The following TENM3 variants were observed in gnomAD, a reference collection of about 807,000 sequenced individuals.
TENM3 encodes teneurin-3.
In TENM3, 63 loss-of-function variants were observed where a neutral mutation model predicts 255.1. The observed-to-expected ratio is 0.25, with a 90% CI of 0.20 to 0.30. The LOEUF (loss-of-function observed/expected upper bound fraction) is 0.30. Ranked by LOEUF, TENM3 falls within the 10% of genes least tolerant of loss-of-function variation. TENM3 has a pLI of 1.00. For missense variants in TENM3, 2,929 were observed against 3,461.1 expected, an observed-to-expected ratio of 0.85 and a Z score of 3.86; for synonymous variants, 1,306 against 1,322.3, an observed-to-expected ratio of 0.99 and a Z score of 0.27.
chr4:182,244,877 T>G (rs1216092751), intron 1 of TENM3, among the ~76,000 whole-genome samples: 1 of 152,262 alleles, frequency 6.6e-6, no homozygotes, highest in Non-Finnish European at 1.5e-5. Context: ...TTATTAGCTA[T>G]GCTTGATGTT....
chr4:181,864,901 C>T, the TENM3 span, among the ~76,000 whole-genome samples: 1 of 152,194 alleles, frequency 6.6e-6, no homozygotes, highest in East Asian at 1.9e-4. Context: ...TCTTTCATTA[C>T]TTGTTCTCCA....
At chr4:181,950,478 T>C in the TENM3 span, among the ~76,000 whole-genome samples, 3 of 152,300 alleles carry the variant, frequency 2.0e-5, no homozygotes, top group Non-Finnish European at 4.4e-5. Flanking sequence ...CATTGCATAT[T>C]AACACCATGT....
intron 3 of TENM3, among the ~76,000 whole-genome samples, chr4:182,510,079 T>A (rs1737235726): frequency 6.6e-6 from 1 of 152,224 alleles, no homozygotes; most frequent in Admixed American, 6.5e-5. Flanking sequence ...AGTTGTGTTT[T>A]TGCCAAATAC....
the TENM3 span, among the ~76,000 whole-genome samples, chr4:181,933,034 G>C: frequency 6.6e-6 from 1 of 152,102 alleles, no homozygotes; most frequent in Non-Finnish European, 1.5e-5. Context: ...GGCAAGGGGA[G>C]GGATAGCATT....
At chr4:181,634,169 A>G in the TENM3 span, among the ~76,000 whole-genome samples, 1 of 152,166 alleles carries the variant, frequency 6.6e-6, no homozygotes, top group Non-Finnish European at 1.5e-5. Flanking sequence ...CCTTATTTAC[A>G]TATTTGCCTT....
the TENM3 span, among the ~76,000 whole-genome samples, chr4:181,493,534 C>T: frequency 3.3e-5 from 5 of 151,974 alleles, no homozygotes; most frequent in Non-Finnish European, 7.4e-5. Flanking sequence ...TCGAGACCAG[C>T]CTGACCAACA....
At chr4:182,457,477 G>A (rs2151369173) in intron 3 of TENM3, among the ~76,000 whole-genome samples, 1 of 145,068 alleles carries the variant, frequency 6.9e-6, no homozygotes, top group East Asian at 2.2e-4. Flanking sequence ...TAAAGATATG[G>A]AAACTAAGTC....
At chr4:181,779,153 C>T in the TENM3 span, among the ~76,000 whole-genome samples, 3 of 152,078 alleles carry the variant, frequency 2.0e-5, no homozygotes, top group African/African-American at 4.8e-5. Flanking sequence ...CTACCAGCAC[C>T]TTGGCATCTG....
intron 7 of TENM3, among the ~76,000 whole-genome samples, chr4:182,675,806 A>C (rs1755620512): frequency 6.6e-6 from 1 of 152,232 alleles, no homozygotes; most frequent in Non-Finnish European, 1.5e-5. Context: ...GGTTTATTTA[A>C]AGATTTAGTT....
the TENM3 span, among the ~76,000 whole-genome samples, chr4:181,756,765 A>C: frequency 6.6e-6 from 1 of 152,010 alleles, no homozygotes; most frequent in South Asian, 2.1e-4. Flanking sequence ...TCACAAGTAA[A>C]CTCCAGGTTA....
intron 3 of TENM3, among the ~76,000 whole-genome samples, chr4:182,360,497 A>G (rs1307260156): frequency 6.8e-6 from 1 of 146,594 alleles, no homozygotes; most frequent in East Asian, 2.0e-4. Context: ...GTCTCTTTTG[A>G]TCTTTGTTGG....
At chr4:181,504,208 G>C in the TENM3 span, among the ~76,000 whole-genome samples, 1 of 152,156 alleles carries the variant, frequency 6.6e-6, no homozygotes, top group Non-Finnish European at 1.5e-5. Context: ...CCCCTGGCTT[G>C]GAAACAGCCA....
the TENM3 span, among the ~76,000 whole-genome samples, chr4:181,885,553 G>T: frequency 3.3e-5 from 5 of 152,028 alleles, no homozygotes; most frequent in African/African-American, 1.2e-4. Flanking sequence ...GAGCCACCGC[G>T]CCTGGCCGAG....
At chr4:181,787,861 C>T in the TENM3 span, among the ~76,000 whole-genome samples, 2 of 152,146 alleles carry the variant, frequency 1.3e-5, no homozygotes, top group South Asian at 4.1e-4. Context: ...CCTAGCCAAG[C>T]GTGGTAGTGG....
At chr4:182,416,259 A>C (rs2151107279) in intron 3 of TENM3, among the ~76,000 whole-genome samples, 1 of 152,258 alleles carries the variant, frequency 6.6e-6, no homozygotes, top group South Asian at 2.1e-4. Context: ...GGTATGGTTA[A>C]GCTTAGTGAT....
At chr4:181,767,706 G>A in the TENM3 span, among the ~76,000 whole-genome samples, 1 of 152,036 alleles carries the variant, frequency 6.6e-6, no homozygotes, top group East Asian at 1.9e-4. Flanking sequence ...TCTGAGACAG[G>A]TGATTCATAG....
the TENM3 span, among the ~76,000 whole-genome samples, chr4:181,489,192 T>A: frequency 6.6e-6 from 1 of 152,176 alleles, no homozygotes; most frequent in African/African-American, 2.4e-5. Context: ...CTCTTTCTGC[T>A]CCATGAACAA....
At chr4:182,084,102 T>G in the TENM3 span, among the ~76,000 whole-genome samples, 1 of 152,180 alleles carries the variant, frequency 6.6e-6, no homozygotes, top group African/African-American at 2.4e-5. Context: ...AATAAATTAT[T>G]TGCCGTGATA....
the TENM3 span, among the ~76,000 whole-genome samples, chr4:181,882,194 G>C: frequency 6.6e-6 from 1 of 152,176 alleles, no homozygotes; most frequent in African/African-American, 2.4e-5. Context: ...AAAACCCTTT[G>C]TAGAGGGCAT....
Sources: gnomAD v4.1 joint callset for allele counts (sites outside exome capture counted in the v4.1 genomes callset) on GRCh38, gnomAD v4.1.1 for gene constraint, MANE v1.5 for transcripts, NCBI Gene and HGNC (gene_info 2026-07-23, HGNC 2026-07-21) for gene names.